The following TXNL1 variants were observed in gnomAD, a reference collection of about 807,000 sequenced individuals.
TXNL1 encodes thioredoxin-like protein 1.
In TXNL1, 14 loss-of-function variants were observed where a neutral mutation model predicts 35.5. That is an observed-to-expected ratio of 0.39 (90% CI 0.26 to 0.62). TXNL1 has a LOEUF of 0.62. Ranked by LOEUF, TXNL1 falls within the 20% of genes least tolerant of loss-of-function variation. The pLI, the probability that TXNL1 is intolerant of heterozygous loss-of-function variation, is 0.47. For missense variants in TXNL1, 263 were observed against 349.7 expected, an observed-to-expected ratio of 0.75 and a Z score of 1.98; for synonymous variants, 110 against 115.5, an observed-to-expected ratio of 0.95 and a Z score of 0.31.
intron 1 of TXNL1, among the ~76,000 whole-genome samples, chr18:56,633,762 G>GATC (rs1483366068): frequency 1.3e-5 from 2 of 151,846 alleles, no homozygotes; most frequent in Non-Finnish European, 2.9e-5. Flanking sequence ...GAGGCGGGCA[G>GATC]ATCACGAGGT....
In TXNL1 at chr18:56,602,986, T is replaced by C. The variant is rs1334925411; in HGVS notation, c.*41A>G. 3 of 1,605,800 alleles carry C rather than the reference T, an allele frequency of 1.9e-6. No homozygotes were observed. The highest frequency in any genetic ancestry group is 1.1e-5 in the South Asian group (1 of 90,890). On this transcript the variant is annotated 3_prime_UTR_variant, in exon 8 of 8. Coordinates refer to ENST00000217515, the MANE Select transcript of TXNL1 (RefSeq NM_004786.3). The stretch of plus-strand genomic sequence containing the variant: ...GAATCAAGCAATTATCCAGGAGCTG[T>C]AGATCTGATTGCAATATGGTTGTCC...
chr18:56,613,781 A>G (rs1482070241), intron 6 of TXNL1, among the ~76,000 whole-genome samples: 1 of 152,198 alleles, frequency 6.6e-6, no homozygotes, highest in African/African-American at 2.4e-5. Flanking sequence ...ACTGTACTCC[A>G]GCCTGGACAA....
intron 1 of TXNL1, among the ~76,000 whole-genome samples, chr18:56,635,772 G>C (rs558166627): frequency 6.6e-6 from 1 of 152,094 alleles, no homozygotes; most frequent in African/African-American, 2.4e-5. Flanking sequence ...GGGTATCTGG[G>C]GGATTAGTTT....
At chr18:56,631,224 G>A (rs1375185774) in intron 1 of TXNL1, among the ~76,000 whole-genome samples, 2 of 152,176 alleles carry the variant, frequency 1.3e-5, no homozygotes, top group Admixed American at 6.6e-5. Flanking sequence ...AACAGGAGCA[G>A]TTGAGAGTAA....
chr18:56,613,497 T>G (rs1555668799), intron 6 of TXNL1, among the ~76,000 whole-genome samples: 3 of 152,088 alleles, frequency 2.0e-5, no homozygotes, highest in Non-Finnish European at 4.4e-5. Context: ...ATACATCACT[T>G]AAAATCACCT....
chr18:56,605,723 A>G (rs927120304), intron 7 of TXNL1, among the ~76,000 whole-genome samples: 29 of 152,202 alleles, frequency 1.9e-4, no homozygotes, highest in Non-Finnish European at 2.8e-4. Context: ...CGTGATGCCT[A>G]TAAGAGCCAA....
chr18:56,629,749 TAC>T (rs1423758372), intron 1 of TXNL1, among the ~76,000 whole-genome samples: 2 of 152,146 alleles, frequency 1.3e-5, no homozygotes, highest in African/African-American at 2.4e-5. Flanking sequence ...TGTCACAAAT[TAC>T]AGAGGTATCC....
intron 1 of TXNL1, among the ~76,000 whole-genome samples, chr18:56,634,598 A>C (rs564653863): frequency 6.6e-6 from 1 of 152,322 alleles, no homozygotes; most frequent in South Asian, 2.1e-4. Flanking sequence ...TGTTGGAAAA[A>C]TTGGATATCC....
Position 56,624,300 on chromosome 18 carries a change from A to C in TXNL1, c.357T>G (p.Ile119Met), listed in dbSNP as rs1275254326. The stretch of plus-strand genomic sequence containing the variant: ...TCAGTCTACATACATAGCCTTTTGG[A>C]ATATCTGTGTCCTCATTGCTTCCAG... The part of the protein sequence containing the change: ...NDPGSNEDTD[I>M]PKGYMDLMPF... The change falls in exon 3 of 8, where the codon ATT (isoleucine) becomes ATG (methionine). Residue 119 changes from isoleucine (I) to methionine (M), a missense_variant. Transcript: ENST00000217515. 1.2e-6 allele frequency: 2 copies of C among 1,612,902 alleles called. No individual in the cohort carries two copies. Among genetic ancestry groups the C allele is most frequent in the Non-Finnish European group, 1.7e-6 (2 of 1,179,338 alleles).
chr18:56,638,372 T>C lies in TXNL1; in HGVS notation c.69A>G (p.Arg23=). 3.1e-6 allele frequency: 5 copies of C among 1,612,160 alleles called. No individual in the cohort carries two copies. Among genetic ancestry groups the C allele is most frequent in the Non-Finnish European group, 4.2e-6 (5 of 1,179,130 alleles). Residue 23 remains arginine, a synonymous_variant, in exon 1 of 8, where the codon AGA becomes AGG. Coordinates refer to ENST00000217515, the MANE Select transcript of TXNL1 (RefSeq NM_004786.3). ...FQPELSGAGS[R]LAVVKFTMRG... The stretch of plus-strand genomic sequence containing the variant: ...TCATGGTGAACTTGACCACGGCGAG[T>C]CTGGAGCCCGCGCCGCTCAGCTCTG...
chr18:56,611,155 G>T, intron 6 of TXNL1, 58 bp from the exon 7 acceptor site: 1 of 1,144,634 alleles, frequency 8.7e-7, no homozygotes, highest in Non-Finnish European at 1.3e-6. Context: ...CATGCTTTAA[G>T]TTTAATCAAT....
intron 7 of TXNL1, among the ~76,000 whole-genome samples, chr18:56,605,435 G>A (rs1457163349): frequency 1.3e-5 from 2 of 152,098 alleles, no homozygotes; most frequent in Non-Finnish European, 2.9e-5. Context: ...TACGGTGAAT[G>A]GCCAGTTTAG....
intron 1 of TXNL1, among the ~76,000 whole-genome samples, chr18:56,631,314 C>T (rs2144333296): frequency 6.6e-6 from 1 of 152,286 alleles, no homozygotes; most frequent in Admixed American, 6.5e-5. Context: ...AAGGACTTTT[C>T]CCAGCTCTAC....
intron 6 of TXNL1, 28 bp downstream of exon 6, chr18:56,614,396 A>G: frequency 6.3e-7 from 1 of 1,595,156 alleles, no homozygotes; most frequent in Non-Finnish European, 8.6e-7. Flanking sequence ...CAAACCTATT[A>G]AATACATATG....
intron 1 of TXNL1, among the ~76,000 whole-genome samples, chr18:56,631,618 T>C (rs773500899): frequency 3.3e-5 from 5 of 152,138 alleles, no homozygotes; most frequent in African/African-American, 1.2e-4. Context: ...CTTTCTACAA[T>C]GTATAAAGAA....
intron 1 of TXNL1, among the ~76,000 whole-genome samples, chr18:56,633,840 C>A (rs1168957414): frequency 6.6e-6 from 1 of 151,556 alleles, no homozygotes. Context: ...AAAAATTAGC[C>A]ATGTGTGGTG....
chr18:56,605,593 G>C (rs1317179464), intron 7 of TXNL1, among the ~76,000 whole-genome samples: 1 of 152,064 alleles, frequency 6.6e-6, no homozygotes, highest in Non-Finnish European at 1.5e-5. Flanking sequence ...TCCATATAAA[G>C]AGCATATTTT....
Position 56,606,418 on chromosome 18 carries a change from T to C in TXNL1, c.841-3362A>G, listed in dbSNP as rs542995620. ...ATTTCAATTCTAATTACTATGTATATACTAATTCAGACTGAGCAAACAAGT... is the reference window on the plus strand; with the variant it reads ...ATTTCAATTCTAATTACTATGTATACACTAATTCAGACTGAGCAAACAAGT... On this transcript the variant is annotated intron_variant, in intron 7 of 7. Transcript: ENST00000217515. Among the ~76,000 whole-genome samples the C allele has an allele frequency of 1.1e-4, 16 of 152,296 alleles. 1 individual carries two copies. In the South Asian group the frequency reaches 2.1e-3, roughly 20 times the overall value.
At chr18:56,638,174 A>T (rs2024487217) in intron 1 of TXNL1, among the ~76,000 whole-genome samples, 169 bp downstream of exon 1, 1 of 152,186 alleles carries the variant, frequency 6.6e-6, no homozygotes, top group Non-Finnish European at 1.5e-5. Context: ...CTGTGCATAA[A>T]TGGGGGTTCA....
Sources: allele counts gnomAD v4.1 joint callset (sites outside exome capture counted in the v4.1 genomes callset), GRCh38; gene constraint gnomAD v4.1.1; transcripts MANE v1.5; gene names NCBI Gene and HGNC (gene_info 2026-07-23, HGNC 2026-07-21).